Variants in TMIGD2 observed in about 807,000 individuals in gnomAD.
The protein encoded by TMIGD2 is transmembrane and immunoglobulin domain containing 2.
A neutral mutation model predicts 22.6 loss-of-function variants in TMIGD2; 18 were observed. That is an observed-to-expected ratio of 0.80 (90% CI 0.55 to 1.18). TMIGD2 has a LOEUF of 1.18. Among genes scored for constraint, TMIGD2 ranks in the 50% most tolerant of loss-of-function variants. The pLI is 0.00. For synonymous variants in TMIGD2, 184 were observed against 154.1 expected, an observed-to-expected ratio of 1.19 and a Z score of -1.44; for missense variants, 361 against 378.2, an observed-to-expected ratio of 0.95 and a Z score of 0.38.
intron 4 of TMIGD2, among the ~76,000 whole-genome samples, chr19:4,293,491 G>A (rs2380180): frequency 0.32 from 47,441 of 146,914 alleles, 9,538 homozygotes; most frequent in African/African-American, 0.56. Flanking sequence ...CGAACTCCTG[G>A]CCTCGTGATT....
rs11287595 is a variant in TMIGD2 at position 4,292,964 on chromosome 19, CTT to C, written c.563-81_563-80del. On this transcript the variant is annotated intron_variant, in intron 4 of 4. Coordinates refer to ENST00000301272, the Ensembl canonical transcript of TMIGD2. ...CAGCTGACCTCTGGGGGATCTGTCT[CTT>C]TTTTTTTTTTTCTGTGAGACGGAGT... 3.6e-3 allele frequency: 4,869 copies of C among 1,368,820 alleles called. 1 individual carries two copies. Among genetic ancestry groups the C allele is most frequent in the African/African-American group, 9.0e-3 (574 of 64,108 alleles). 84.8% of individuals were successfully genotyped at this position (1,368,820 alleles called of 1,614,324 possible). A position where few individuals can be genotyped will look rare whatever the true frequency, so the allele number is the denominator to read the frequency against.
At chr19:4,294,091 C>T (rs1020769123) in intron 4 of TMIGD2, among the ~76,000 whole-genome samples, 4 of 142,292 alleles carry the variant, frequency 2.8e-5, no homozygotes, top group Non-Finnish European at 6.1e-5. Context: ...TTTTTGAGAC[C>T]GCGTCTTGCT....
At chr19:4,294,749 G>T in intron 3 of TMIGD2, 26 bp downstream of exon 3, 3 of 1,581,536 alleles carry the variant, frequency 1.9e-6, no homozygotes, top group Non-Finnish European at 2.6e-6. Context: ...GAAGACGCTG[G>T]GGGAGGAACA....
intron 2 of TMIGD2, among the ~76,000 whole-genome samples, chr19:4,295,691 G>C (rs1361573979): frequency 6.6e-6 from 1 of 152,072 alleles, no homozygotes; most frequent in Non-Finnish European, 1.5e-5. Context: ...GATCCTGTTT[G>C]GTTGTTTTTG....
At chr19:4,294,371 T>G (rs564054821) in intron 4 of TMIGD2, among the ~76,000 whole-genome samples, 1 of 152,304 alleles carries the variant, frequency 6.6e-6, no homozygotes, top group East Asian at 1.9e-4. Flanking sequence ...AATTTTTTTG[T>G]AGAGATGGGA....
At chr19:4,292,740 C>T in exon 5 of TMIGD2, 1 of 1,610,180 alleles carries the variant, frequency 6.2e-7, no homozygotes, top group Middle Eastern at 1.7e-4. Context: ...GTCTTGACGC[C>T]AGGTGCGGCT....
chr19:4,300,051 A>G (rs1377036736), intron 1 of TMIGD2, among the ~76,000 whole-genome samples: 1 of 151,292 alleles, frequency 6.6e-6, no homozygotes, highest in African/African-American at 2.4e-5. Context: ...ACCTGAGGTC[A>G]GGAGTTCAAG....
intron 1 of TMIGD2, 58 bp from the exon 2 acceptor site, chr19:4,298,403 G>C: frequency 6.7e-7 from 1 of 1,499,810 alleles, no homozygotes; most frequent in Admixed American, 2.2e-5. Context: ...GAGGCTGTGT[G>C]ACTCACTCCC....
chr19:4,294,634 C>T (rs370832048), exon 4 of TMIGD2: 25 of 1,606,576 alleles, frequency 1.6e-5, no homozygotes, highest in Non-Finnish European at 2.1e-5. Flanking sequence ...CCCACACGAT[C>T]GCAGCCACAC....
At chr19:4,295,097 C>CA (rs201970212) in intron 2 of TMIGD2, among the ~76,000 whole-genome samples, 1 of 150,610 alleles carries the variant, frequency 6.6e-6, no homozygotes, top group Non-Finnish European at 1.5e-5. Context: ...CCCATCTCTA[C>CA]AAAAAAATAT....
At chr19:4,296,937 C>A (rs1971468997) in intron 2 of TMIGD2, among the ~76,000 whole-genome samples, 1 of 152,222 alleles carries the variant, frequency 6.6e-6, no homozygotes, top group Non-Finnish European at 1.5e-5. Context: ...GCATAGGGTG[C>A]ACCCCTGCCT....
intron 4 of TMIGD2, among the ~76,000 whole-genome samples, chr19:4,293,218 C>A (rs1971408471): frequency 6.6e-6 from 1 of 151,516 alleles, no homozygotes; most frequent in Non-Finnish European, 1.5e-5. Context: ...GCCTCGGCCT[C>A]CCAAAGTGCT....
chr19:4,292,815 T>A, exon 5 of TMIGD2: 1 of 1,613,686 alleles, frequency 6.2e-7, no homozygotes, highest in Non-Finnish European at 8.5e-7. Flanking sequence ...CCTTCCCCTC[T>A]CCAGAGCAGT....
intron 4 of TMIGD2, among the ~76,000 whole-genome samples, chr19:4,294,130 C>T (rs917579912): frequency 2.7e-5 from 4 of 149,968 alleles, no homozygotes; most frequent in Non-Finnish European, 4.4e-5. Flanking sequence ...TTCAGTGGCG[C>T]GATCTTGGCT....
exon 4 of TMIGD2, chr19:4,294,579 C>T (rs755588919): frequency 6.2e-7 from 1 of 1,612,422 alleles, no homozygotes; most frequent in African/African-American, 1.3e-5. Flanking sequence ...GGGCTGTTAC[C>T]TGAGTCCCTT....
chr19:4,292,242 C>G, exon 5 of TMIGD2: 2 of 285,368 alleles, frequency 7.0e-6, no homozygotes, highest in South Asian at 6.5e-5. Context: ...TTTTTCTTCA[C>G]AAGCCTTTAT....
intron 1 of TMIGD2, among the ~76,000 whole-genome samples, chr19:4,299,561 G>A (rs2144741293): frequency 1.3e-5 from 2 of 151,186 alleles, no homozygotes; most frequent in Middle Eastern, 3.5e-3. Context: ...GGAGCGCAGT[G>A]GCACCATCAA....
chr19:4,302,183 A>C (rs1971545121), intron 1 of TMIGD2, among the ~76,000 whole-genome samples, 157 bp downstream of exon 1: 1 of 151,722 alleles, frequency 6.6e-6, no homozygotes, highest in Non-Finnish European at 1.5e-5. Context: ...TCCTTCCTTA[A>C]TCCTCCAGCC....
intron 1 of TMIGD2, among the ~76,000 whole-genome samples, chr19:4,299,557 C>T (rs1158202368): frequency 6.6e-6 from 1 of 151,246 alleles, no homozygotes; most frequent in African/African-American, 2.4e-5. Context: ...GTCTGGAGCG[C>T]AGTGGCACCA....
Sources: allele counts gnomAD v4.1 joint callset (sites outside exome capture counted in the v4.1 genomes callset), GRCh38; gene constraint gnomAD v4.1.1; transcripts MANE v1.5; gene names NCBI Gene and HGNC (gene_info 2026-07-23, HGNC 2026-07-21).